FCRLB: variants seen among roughly 807,000 people sequenced by gnomAD.
The protein encoded by FCRLB is Fc receptor like B.
Under a neutral mutation model 33.6 loss-of-function variants are expected in FCRLB, and 34 were observed. The ratio of observed to expected loss-of-function variants is 1.01; its 90% CI spans 0.77 to 1.35. FCRLB has a LOEUF of 1.35. Ranked by LOEUF, FCRLB falls within the 40% of genes most tolerant of loss-of-function variation. The pLI is 0.00. For missense variants in FCRLB, 560 were observed against 580.2 expected (o/e 0.97, Z 0.36); for synonymous variants, 280 against 255.9 (o/e 1.09, Z -0.90).
At chr1:161,722,832 TGAA>T (rs943273954) in intron 3 of FCRLB, 129 bp downstream of exon 3, 8 of 1,490,932 alleles carry the variant, frequency 5.4e-6, no homozygotes, top group Non-Finnish European at 7.4e-6. Flanking sequence ...TTTGGAGGGG[TGAA>T]GAAGAAGGGG....
At position 161,727,009 on chromosome 1, in the gene FCRLB, C is replaced by G. The variant is rs1211866775; in HGVS notation, c.865+16C>G. The stretch of plus-strand genomic sequence containing the variant: ...CCGGGGCCGGGTGAGTGCCTGCACA[C>G]CCTCCCGGACGCCGACCCTGGCGGT... On this transcript the variant is annotated intron_variant, in intron 7 of 7. Transcript: ENST00000367948. 2.0e-6 allele frequency: 3 copies of G among 1,490,220 alleles called. No individual in the cohort carries two copies. The highest frequency in any genetic ancestry group is 4.8e-5 in the East Asian group (2 of 42,022). The allele number at this position is 1,490,220 out of a possible 1,614,324, so 92.3% of individuals were successfully genotyped here.
chr1:161,725,785 C>G, intron 5 of FCRLB, 36 bp from the exon 6 acceptor site: 2 of 1,563,126 alleles, frequency 1.3e-6, no homozygotes, highest in Non-Finnish European at 1.7e-6. Context: ...GCTGGACTTT[C>G]TGTGGAGTCA....
rs1224417583 is a variant in FCRLB at position 161,726,356 on chromosome 1, G to C, written c.574+269G>C. The C allele has an allele frequency of 1.4e-6, 1 of 739,788 alleles. No homozygotes were observed. Among genetic ancestry groups the C allele is most frequent in the Non-Finnish European group, 2.4e-6 (1 of 421,468 alleles). The allele number at this position is 739,788 out of a possible 1,614,324, so 45.8% of individuals were successfully genotyped here. ...AGAGAGGGCAGCTCTGGCAGGGGCA[G>C]GGGCCACTGTGGGACTGGGACGAAG... is the stretch of plus-strand genomic sequence containing the variant. On this transcript the variant is annotated intron_variant, in intron 6 of 7. Transcript: ENST00000367948. The surrounding 1 kb of genome is among the most constrained non-coding windows in gnomAD (Gnocchi z 5.2).
At position 161,726,565 on chromosome 1, in the gene FCRLB, C is replaced by T. The variant is rs909793043; in HGVS notation, c.575-138C>T. On this transcript the variant is annotated intron_variant, in intron 6 of 7. Transcript: ENST00000367948. The surrounding 1 kb of genome is among the most constrained non-coding windows in gnomAD (Gnocchi z 5.2). ...CCACATTTCAGAAGGCTCCCCTTCC[C>T]CCTCCACGTGGACACACGGCCTCCT... 26 of 1,219,256 alleles carry T rather than the reference C, an allele frequency of 2.1e-5. 1 individual carries two copies. Among genetic ancestry groups the T allele is most frequent in the Non-Finnish European group, 2.9e-5 (25 of 858,442 alleles). The allele number at this position is 1,219,256 out of a possible 1,614,324, so 75.5% of individuals were successfully genotyped here.
chr1:161,727,396 C>A (rs1178032326), exon 8 of FCRLB: 1 of 1,613,466 alleles, frequency 6.2e-7, no homozygotes, highest in Admixed American at 1.7e-5. Flanking sequence ...CTCCACCGGG[C>A]TGCAGTTCCC....
At chr1:161,722,360 G>A (rs1683399775) in intron 2 of FCRLB, among the ~76,000 whole-genome samples, 1 of 152,218 alleles carries the variant, frequency 6.6e-6, no homozygotes, top group Non-Finnish European at 1.5e-5. Context: ...GGAGCCTGGG[G>A]TTCTATGGGG....
chr1:161,727,407 G>T, exon 8 of FCRLB: 1 of 1,613,152 alleles, frequency 6.2e-7, no homozygotes. Context: ...TGCAGTTCCC[G>T]GCGAGCGGCG....
intron 5 of FCRLB, 131 bp from the exon 6 acceptor site, chr1:161,725,690 G>T: frequency 9.0e-7 from 1 of 1,114,422 alleles, no homozygotes. Context: ...GAAAAGAAAA[G>T]AAAGCGGTGG....
Position 161,726,171 on chromosome 1 carries a change from C to T in FCRLB, c.574+84C>T, listed in dbSNP as rs763967000. ...AGGAGCTCGGCGAGAAAAGAAGGGGCGGAAGTTCAAATAGCTGCCACTTGG... is the reference window on the plus strand; with the variant it reads ...AGGAGCTCGGCGAGAAAAGAAGGGGTGGAAGTTCAAATAGCTGCCACTTGG... On this transcript the variant is annotated intron_variant, in intron 6 of 7. Transcript: ENST00000367948. This position sits in a 1 kb window ranked among gnomAD's most constrained non-coding sequence, Gnocchi z 5.2. The T allele has an allele frequency of 3.1e-6, 5 of 1,601,278 alleles. No individual in the cohort carries two copies. In the Admixed American group the frequency reaches 6.7e-5, roughly 21 times the overall value.
Position 161,726,101 on chromosome 1 carries a change from G to A in FCRLB, c.574+14G>A. 6 of 1,605,512 alleles carry A rather than the reference G, an allele frequency of 3.7e-6. No individual in the cohort carries two copies. The highest frequency in any genetic ancestry group is 5.1e-6 in the Non-Finnish European group (6 of 1,173,920). On this transcript the variant is annotated intron_variant, in intron 6 of 7. Coordinates refer to ENST00000367948, the Ensembl canonical transcript of FCRLB. This position sits in a 1 kb window ranked among gnomAD's most constrained non-coding sequence, Gnocchi z 5.2. ...TGACAGTGCAAGGTGGGAGAGACCA[G>A]GGGCCCCGGGAGGGAGGCAAATGAG...
exon 8 of FCRLB, chr1:161,727,507 C>G: frequency 6.2e-7 from 1 of 1,614,212 alleles, no homozygotes; most frequent in Non-Finnish European, 8.5e-7. Flanking sequence ...CCTTCTGCTC[C>G]GAGAAATGCA....
Position 161,727,756 on chromosome 1 carries a change from T to A in FCRLB, c.*94T>A. The A allele has an allele frequency of 2.1e-6, 3 of 1,428,234 alleles. No individual in the cohort carries two copies. The South Asian group carries it at 4.5e-5, about 21-fold the overall frequency. The allele number at this position is 1,428,234 out of a possible 1,614,324, so 88.5% of individuals were successfully genotyped here. ...CTTTCAAAGCCATCTGTTTGCATCC[T>A]TGTGTTTTGCTGTGGTTTTTAAAGG... On this transcript the variant is annotated 3_prime_UTR_variant, in exon 8 of 8. Coordinates refer to ENST00000367948, the Ensembl canonical transcript of FCRLB.
At chr1:161,727,015 C>T (rs756526816) in intron 7 of FCRLB, 22 bp downstream of exon 7, 2 of 1,482,954 alleles carry the variant, frequency 1.3e-6, no homozygotes, top group Non-Finnish European at 1.8e-6. Flanking sequence ...CACACCCTCC[C>T]GGACGCCGAC....
At chr1:161,725,323 C>CCAGGA (rs1351646096) in intron 5 of FCRLB, among the ~76,000 whole-genome samples, 1 of 152,168 alleles carries the variant, frequency 6.6e-6, no homozygotes, top group African/African-American at 2.4e-5. Context: ...GTGCCAACCA[C>CCAGGA]CAGGGAAGGC....
chr1:161,722,575 G>A (rs1683404980), intron 2 of FCRLB, 78 bp from the exon 3 acceptor site: 2 of 1,384,126 alleles, frequency 1.4e-6, no homozygotes, highest in Admixed American at 1.7e-5. Context: ...ATGTCTCCTA[G>A]TACTCAGTGG....
chr1:161,724,218 G>A (rs748764417), intron 5 of FCRLB, among the ~76,000 whole-genome samples: 6 of 152,168 alleles, frequency 3.9e-5, no homozygotes, highest in Non-Finnish European at 7.4e-5. Context: ...GTACACAGGA[G>A]TCAGCTGAGA....
intron 7 of FCRLB, 47 bp from the exon 8 acceptor site, chr1:161,727,200 A>G (rs1220737558): frequency 6.9e-7 from 1 of 1,446,802 alleles, no homozygotes; most frequent in Non-Finnish European, 9.2e-7. Flanking sequence ...CCCAGCGCCG[A>G]GAAGAACCAT....
exon 8 of FCRLB, chr1:161,727,414 G>A: frequency 1.2e-6 from 2 of 1,613,152 alleles, no homozygotes; most frequent in African/African-American, 1.3e-5. Context: ...CCCGGCGAGC[G>A]GCGCCCCGAC....
At chr1:161,727,272 C>T (rs1683620037) in exon 8 of FCRLB, 1 of 1,609,346 alleles carries the variant, frequency 6.2e-7, no homozygotes. Context: ...CGGCCTCCAC[C>T]ACCGCCCCAG....
Sources: allele counts gnomAD v4.1 joint callset (sites outside exome capture counted in the v4.1 genomes callset), GRCh38; gene constraint gnomAD v4.1.1; non-coding constraint Gnocchi (gnomAD v3.1); transcripts MANE v1.5; gene names NCBI Gene and HGNC (gene_info 2026-07-23, HGNC 2026-07-21).